DOCK6: variants seen among roughly 807,000 people sequenced by gnomAD.
DOCK6 encodes the protein dedicator of cytokinesis 6, also known as dedicator of cytokinesis protein 6.
A neutral mutation model predicts 230.3 loss-of-function variants in DOCK6; 167 were observed. The ratio of observed to expected loss-of-function variants is 0.73; its 90% confidence interval spans 0.64 to 0.82. The LOEUF (loss-of-function observed/expected upper bound fraction) is 0.82. Among genes scored for constraint, DOCK6 ranks in the 40% least tolerant of loss-of-function variants. The pLI, the probability that DOCK6 is intolerant of heterozygous loss-of-function variation, is 0.00. For synonymous variants in DOCK6, 1,148 were observed against 1,185.0 expected (o/e 0.97, Z 0.64); for missense variants, 2,598 against 2,825.8 (o/e 0.92, Z 1.83).
chr19:11,253,543 AGGAG>A (rs2080153817), intron 2 of DOCK6, 92 bp downstream of exon 2: 1 of 801,856 alleles, frequency 1.2e-6, no homozygotes, highest in African/African-American at 1.8e-5. Flanking sequence ...GACAGGCCAC[AGGAG>A]GGAGGGGGTG....
At chr19:11,251,995 G>C in intron 5 of DOCK6, 124 bp downstream of exon 5, 1 of 1,413,254 alleles carries the variant, frequency 7.1e-7, no homozygotes, top group Non-Finnish European at 9.7e-7. Flanking sequence ...TTACTCATGG[G>C]GACTGATGCA....
intron 24 of DOCK6, among the ~76,000 whole-genome samples, chr19:11,226,682 AT>A (rs1342575176): frequency 1.3e-5 from 2 of 152,208 alleles, no homozygotes; most frequent in African/African-American, 4.8e-5. Context: ...CAACAAAAAA[AT>A]GATACGATCC....
chr19:11,227,573 C>T lies in DOCK6; in HGVS notation c.2815-96G>A, dbSNP rs2079688855. Reference sequence around the variant, plus strand: ...GGGGCTTGAAGGGCTGTGGGTGGGGCTTGAAGGACTGTGGGTGGGGCTTGA... The same window carrying T: ...GGGGCTTGAAGGGCTGTGGGTGGGGTTTGAAGGACTGTGGGTGGGGCTTGA... On this transcript the variant is annotated intron_variant, in intron 23 of 47. Coordinates refer to ENST00000294618, the MANE Select transcript of DOCK6 (RefSeq NM_020812.4). 6 of 1,388,526 alleles carry T rather than the reference C, an allele frequency of 4.3e-6. No homozygotes were observed. In the East Asian group the frequency reaches 1.3e-4, roughly 30 times the overall value. 86.0% of individuals were successfully genotyped at this position (1,388,526 alleles called of 1,614,324 possible).
At chr19:11,224,134 G>A (rs1003018196) in intron 24 of DOCK6, among the ~76,000 whole-genome samples, 4 of 151,642 alleles carry the variant, frequency 2.6e-5, no homozygotes, top group Admixed American at 6.6e-5. Flanking sequence ...ATATTAAATT[G>A]GTGCAAAAGT....
intron 6 of DOCK6, among the ~76,000 whole-genome samples, chr19:11,249,253 C>A (rs1485262426): frequency 1.3e-5 from 2 of 152,144 alleles, no homozygotes; most frequent in African/African-American, 4.8e-5. Flanking sequence ...TGGCTCATGC[C>A]TGTAATACCA....
At chr19:11,259,417 A>T (rs897797996) in intron 1 of DOCK6, among the ~76,000 whole-genome samples, 15 of 150,466 alleles carry the variant, frequency 1.0e-4, no homozygotes, top group African/African-American at 2.4e-4. Flanking sequence ...TGTGTTTGCC[A>T]ATATATTCAA....
chr19:11,252,185 C>A lies in DOCK6; in HGVS notation c.441G>T (p.Lys147Asn), dbSNP rs34545822. ...VTTDTQRERQ[K>N]GLPRQVFEQD... The stretch of plus-strand genomic sequence containing the variant: ...GCTCAAAGACCTGGCGGGGGAGGCC[C>A]TTCTGTCGCTCCCGCTGTGTGTCTG... The change falls in exon 5 of 48, where the codon AAG becomes AAT. Residue 147 changes from lysine (K) to asparagine (N), a missense_variant. Lys to Asn is a moderately conservative substitution (Grantham distance 94). Coordinates refer to ENST00000294618, the MANE Select transcript of DOCK6 (RefSeq NM_020812.4). 6.3e-7 allele frequency: 1 copy of A among 1,582,916 alleles called. No individual in the cohort carries two copies. Among genetic ancestry groups the A allele is most frequent in the Non-Finnish European group, 8.6e-7 (1 of 1,164,602 alleles).
At chr19:11,220,300 G>C (rs767928410) in intron 28 of DOCK6, among the ~76,000 whole-genome samples, 1 of 152,096 alleles carries the variant, frequency 6.6e-6, no homozygotes, top group Non-Finnish European at 1.5e-5. Flanking sequence ...CCAAGTCTAT[G>C]CTCTTAAAAA....
rs757318921 is a variant in DOCK6 at position 11,227,391 on chromosome 19, G to A, written c.2901C>T (p.Asp967=). The A allele has an allele frequency of 6.2e-7, 1 of 1,613,894 alleles. No homozygotes were observed. Among genetic ancestry groups the A allele is most frequent in the South Asian group, 1.1e-5 (1 of 91,076 alleles). The stretch of plus-strand genomic sequence containing the variant: ...CCACAGAGCCCACCAAGGCAGTGAT[G>A]TCGTCCAGGAAGCGTCCGGGGAAGC... ...KLRFPGRFLD[D]ITALVGSVGL... Residue 967 remains aspartate, a synonymous_variant, in exon 24 of 48, where the codon GAC becomes GAT. Coordinates refer to ENST00000294618, the MANE Select transcript of DOCK6 (RefSeq NM_020812.4).
rs1294806884 is a variant in DOCK6 at position 11,222,296 on chromosome 19, G to A, written c.3241-48C>T. 14 of 1,560,258 alleles carry A rather than the reference G, an allele frequency of 9.0e-6. No individual in the cohort carries two copies. The highest frequency in any genetic ancestry group is 1.1e-5 in the Non-Finnish European group (13 of 1,151,106). On this transcript the variant is annotated intron_variant, in intron 26 of 47. Transcript: ENST00000294618. The surrounding 1 kb of genome is among the most constrained non-coding windows in gnomAD (Gnocchi z 4.0). Reference sequence around the variant, plus strand: ...GGGATGCCAGCGGTCAAGGGTCAGAGGTGGCAGGTCACCATTAAAGCCATC... The same window carrying A: ...GGGATGCCAGCGGTCAAGGGTCAGAAGTGGCAGGTCACCATTAAAGCCATC...
chr19:11,231,281 A>T (rs754778600), intron 22 of DOCK6, among the ~76,000 whole-genome samples: 4 of 151,978 alleles, frequency 2.6e-5, no homozygotes, highest in Admixed American at 6.6e-5. Context: ...CCTCTTCCTG[A>T]ACACCCACAC....
chr19:11,253,927 G>A (rs113410345), intron 1 of DOCK6: 120 of 480,510 alleles, frequency 2.5e-4, no homozygotes, highest in African/African-American at 2.2e-3. Context: ...ATCAGGAGAT[G>A]AGAATGCTGC....
At position 11,222,822 on chromosome 19, in the gene DOCK6, G is replaced by A. The variant is rs759777810; in HGVS notation, c.3153C>T (p.His1051=). ...GGAGGTTGAGGGTCACGTAGTGCTCGTGGCTGCACAGGATGCGGGTGAATT... is the reference window on the plus strand; with the variant it reads ...GGAGGTTGAGGGTCACGTAGTGCTCATGGCTGCACAGGATGCGGGTGAATT... ...RMEFTRILCS[H]EHYVTLNLPC... Residue 1051 remains histidine (H), a synonymous_variant, in exon 26 of 48, where the codon CAC becomes CAT. Coordinates refer to ENST00000294618, the MANE Select transcript of DOCK6 (RefSeq NM_020812.4). The surrounding 1 kb of genome is among the most constrained non-coding windows in gnomAD (Gnocchi z 4.0). The A allele has an allele frequency of 3.8e-5, 60 of 1,597,386 alleles. No individual in the cohort carries two copies. Among genetic ancestry groups the A allele is most frequent in the African/African-American group, 6.7e-5 (5 of 74,722 alleles).
chr19:11,249,164 A>G (rs114490134), intron 6 of DOCK6, among the ~76,000 whole-genome samples: 3,175 of 152,306 alleles, frequency 0.021, 112 homozygotes, highest in African/African-American at 0.073. Flanking sequence ...TTGAATAAAT[A>G]TAGGGATATA....
At chr19:11,232,246 G>C (rs1237628269) in intron 22 of DOCK6, 1 of 1,289,578 alleles carries the variant, frequency 7.8e-7, no homozygotes, top group East Asian at 5.5e-5. Flanking sequence ...ACTGCCTCCT[G>C]GAGCATAAGC....
intron 13 of DOCK6, among the ~76,000 whole-genome samples, chr19:11,242,801 T>C (rs1259357041): frequency 6.6e-6 from 1 of 152,036 alleles, no homozygotes. Context: ...TACCCCTACA[T>C]TTGATCAACT....
chr19:11,256,478 C>T (rs184074601), intron 1 of DOCK6, among the ~76,000 whole-genome samples: 5 of 152,104 alleles, frequency 3.3e-5, no homozygotes, highest in South Asian at 2.1e-4. Flanking sequence ...CACGGAGAGC[C>T]GTCAAGCTTG....
chr19:11,214,848 T>A (rs1308495301), intron 32 of DOCK6, among the ~76,000 whole-genome samples, 199 bp from the exon 33 acceptor site: 1 of 151,294 alleles, frequency 6.6e-6, no homozygotes, highest in Non-Finnish European at 1.5e-5. Flanking sequence ...GATCACCAGC[T>A]CACTGCAGCC....
chr19:11,246,634 A>G (rs2080039462), intron 7 of DOCK6, among the ~76,000 whole-genome samples: 1 of 152,060 alleles, frequency 6.6e-6, no homozygotes, highest in Non-Finnish European at 1.5e-5. Flanking sequence ...CCTCCCTGCA[A>G]CCACGGCCCT....
Sources: gnomAD v4.1 joint callset for allele counts (sites outside exome capture counted in the v4.1 genomes callset) on GRCh38, gnomAD v4.1.1 for gene constraint, Gnocchi (gnomAD v3.1) non-coding constraint, MANE v1.5 for transcripts, NCBI Gene and HGNC (gene_info 2026-07-23, HGNC 2026-07-21) for gene names.